Variants in MMRN1 observed in about 807,000 individuals in gnomAD.
The protein encoded by MMRN1 is multimerin 1, also known as multimerin-1.
Under a neutral mutation model 100.7 loss-of-function variants are expected in MMRN1, and 94 were observed. The observed-to-expected ratio is 0.93, with a 90% CI of 0.79 to 1.11. The LOEUF (loss-of-function observed/expected upper bound fraction) is 1.11, where lower values mean the gene tolerates loss of function less well. Ranked by LOEUF, MMRN1 falls within the 50% of genes least tolerant of loss-of-function variation. The pLI, the probability that MMRN1 is intolerant of heterozygous loss-of-function variation, is 0.00. For missense variants in MMRN1, 1,606 were observed against 1,439.1 expected, an observed-to-expected ratio of 1.12 and a Z score of -1.88; for synonymous variants, 575 against 505.0, an observed-to-expected ratio of 1.14 and a Z score of -1.86.
rs139074446 is a variant in MMRN1 at position 89,922,502 on chromosome 4, T to C, written c.851-666T>C. ...AATATTATTTGATTCATGGGAATTATTACTTGCCATTTAAAATATTACTTG... is the reference window on the plus strand; with the variant it reads ...AATATTATTTGATTCATGGGAATTACTACTTGCCATTTAAAATATTACTTG... On this transcript the variant is annotated intron_variant, in intron 3 of 7. Coordinates refer to ENST00000264790, the MANE Select transcript of MMRN1 (RefSeq NM_007351.3). Among the ~76,000 whole-genome samples the C allele has an allele frequency of 2.4e-4, 36 of 152,314 alleles. No individual in the cohort carries two copies. In the East Asian group the frequency reaches 6.2e-3, roughly 26 times the overall value.
At chr4:89,900,166 A>G (rs933473687) in intron 1 of MMRN1, among the ~76,000 whole-genome samples, 2 of 152,120 alleles carry the variant, frequency 1.3e-5, no homozygotes, top group African/African-American at 4.8e-5. Flanking sequence ...AACAACTGCT[A>G]TCTGACCACT....
intron 7 of MMRN1, 53 bp from the exon 8 acceptor site, chr4:89,952,944 A>AT: frequency 6.7e-7 from 1 of 1,487,092 alleles, no homozygotes; most frequent in Non-Finnish European, 9.0e-7. Context: ...ATAAGGAAAG[A>AT]AAAATAAGAT....
chr4:89,952,884 C>A, intron 7 of MMRN1, 113 bp from the exon 8 acceptor site: 3 of 1,036,320 alleles, frequency 2.9e-6, no homozygotes, highest in Non-Finnish European at 4.1e-6. Context: ...GATGGATGGC[C>A]TTTCTCTTCT....
At position 89,936,154 on chromosome 4, in the gene MMRN1, A is replaced by G. The variant is rs770773067; in HGVS notation, c.2474A>G (p.Gln825Arg). 8.0e-5 allele frequency: 129 copies of G among 1,612,462 alleles called. No homozygotes were observed. Among genetic ancestry groups the G allele is most frequent in the Non-Finnish European group, 1.0e-4 (123 of 1,179,576 alleles). ...CAGTCCAACTTCCAAAAGATGTATC[A>G]AATGTTCAATGAAACCACTTCCCAA... ...LNQSNFQKMY[Q>R]MFNETTSQVR... Residue 825 changes from glutamine to arginine, a missense_variant, in exon 6 of 8, where the codon CAA (glutamine) becomes CGA (arginine). Gln to Arg is a conservative substitution (Grantham distance 43, BLOSUM62 1). Transcript: ENST00000264790.
At chr4:89,901,622 A>G (rs934633253) in intron 1 of MMRN1, among the ~76,000 whole-genome samples, 3 of 151,972 alleles carry the variant, frequency 2.0e-5, no homozygotes, top group Non-Finnish European at 4.4e-5. Context: ...CTAAAGAGAA[A>G]CCATTATACT....
At chr4:89,893,337 T>G (rs2110576697), upstream of MMRN1, among the ~76,000 whole-genome samples, 1 of 152,120 alleles carries the variant, frequency 6.6e-6, no homozygotes, top group East Asian at 1.9e-4. Context: ...ACAATACACT[T>G]ACGGAAATAA....
At chr4:89,943,164 G>A (rs757691066) in intron 6 of MMRN1, among the ~76,000 whole-genome samples, 7 of 152,128 alleles carry the variant, frequency 4.6e-5, no homozygotes, top group Non-Finnish European at 7.4e-5. Context: ...TGATGTGGAC[G>A]TTAGCATATG....
In MMRN1 at chr4:89,895,419, A is replaced by C; in HGVS notation, c.448A>C (p.Asn150His). 6.2e-7 allele frequency: 1 copy of C among 1,613,888 alleles called. No individual in the cohort carries two copies. Among genetic ancestry groups the C allele is most frequent in the Non-Finnish European group, 8.5e-7 (1 of 1,179,926 alleles). ...TCTTCAGAGCTTTGCCAGAAAGTCAAATGAACAAGCAACTTCTCTAAACAC... is the reference window on the plus strand; with the variant it reads ...TCTTCAGAGCTTTGCCAGAAAGTCACATGAACAAGCAACTTCTCTAAACAC... ...KFLQSFARKS[N>H]EQATSLNTVG... The change falls in exon 1 of 8, where the codon AAT (asparagine) becomes CAT (histidine). Residue 150 changes from asparagine (N) to histidine (H), a missense_variant. Coordinates refer to ENST00000264790, the MANE Select transcript of MMRN1 (RefSeq NM_007351.3).
At chr4:89,945,969 A>C (rs952613446) in intron 6 of MMRN1, among the ~76,000 whole-genome samples, 1 of 152,206 alleles carries the variant, frequency 6.6e-6, no homozygotes, top group Non-Finnish European at 1.5e-5. Flanking sequence ...CAAAGAACAC[A>C]ATGTTAGTAA....
chr4:89,916,795 C>T (rs1721934934), intron 3 of MMRN1, among the ~76,000 whole-genome samples: 1 of 151,592 alleles, frequency 6.6e-6, no homozygotes, highest in Non-Finnish European at 1.5e-5. Flanking sequence ...TTATCTCCCG[C>T]ATATCACTGT....
Position 89,953,279 on chromosome 4 carries a change from G to A in MMRN1, c.3548G>A (p.Cys1183Tyr). The A allele has an allele frequency of 6.2e-7, 1 of 1,613,926 alleles. No individual in the cohort carries two copies. ...ESENINSEIH[C>Y]DRVLTGDALL... is the part of the protein sequence containing the mutation. The stretch of plus-strand genomic sequence containing the variant: ...GAAAATATTAACAGTGAAATACACT[G>A]TGATAGGGTTTTAACTGGGGATGCC... Residue 1183 changes from cysteine (C) to tyrosine (Y), a missense_variant, in exon 8 of 8, where the codon TGT becomes TAT. By Grantham distance (194) the Cys-to-Tyr change is radical. Transcript: ENST00000264790.
intron 6 of MMRN1, among the ~76,000 whole-genome samples, chr4:89,938,559 A>G (rs1722728326): frequency 6.7e-6 from 1 of 148,260 alleles, no homozygotes; most frequent in Non-Finnish European, 1.5e-5. Flanking sequence ...AAATTGAAAT[A>G]GCCTCAAATA....
At chr4:89,910,380 T>G (rs1306201903) in intron 2 of MMRN1, among the ~76,000 whole-genome samples, 2 of 151,494 alleles carry the variant, frequency 1.3e-5, no homozygotes, top group Non-Finnish European at 3.0e-5. Context: ...GGATTCAAGG[T>G]GAGCTCTTTT....
At chr4:89,910,780 T>G (rs552256251) in intron 2 of MMRN1, among the ~76,000 whole-genome samples, 1 of 151,542 alleles carries the variant, frequency 6.6e-6, no homozygotes, top group East Asian at 1.9e-4. Flanking sequence ...TAGCTCATTT[T>G]GCAACTGACA....
In MMRN1 at chr4:89,915,079, T is replaced by C. The variant is rs1347552492; in HGVS notation, c.850+3029T>C. Among the ~76,000 whole-genome samples the C allele has an allele frequency of 4.6e-5, 7 of 151,526 alleles. No individual in the cohort carries two copies. In the South Asian group the frequency reaches 6.2e-4, roughly 13 times the overall value. On this transcript the variant is annotated intron_variant, in intron 3 of 7. Transcript: ENST00000264790. Reference sequence around the variant, plus strand: ...GCCCCTACCATATGTTATGAATATATAAAAAATATTTGGTTTTACAAATGC... The same window carrying C: ...GCCCCTACCATATGTTATGAATATACAAAAAATATTTGGTTTTACAAATGC...
intron 1 of MMRN1, among the ~76,000 whole-genome samples, chr4:89,880,053 A>G (rs1210937296): frequency 1.3e-5 from 2 of 152,148 alleles, no homozygotes; most frequent in African/African-American, 2.4e-5. Flanking sequence ...TGCACTTACA[A>G]ATATAGCTGC....
At chr4:89,887,711 T>C (rs997785476) in intron 1 of MMRN1, among the ~76,000 whole-genome samples, 1 of 152,054 alleles carries the variant, frequency 6.6e-6, no homozygotes, top group Admixed American at 6.6e-5. Context: ...TATTCTAGTA[T>C]ATTTTCAAAT....
chr4:89,947,260 C>T (rs535921747), intron 6 of MMRN1, among the ~76,000 whole-genome samples: 30 of 152,076 alleles, frequency 2.0e-4, no homozygotes, highest in East Asian at 3.9e-4. Flanking sequence ...CCAGCCTGGA[C>T]GACAGAGCGA....
At chr4:89,938,756 C>A (rs930221389) in intron 6 of MMRN1, among the ~76,000 whole-genome samples, 1 of 151,784 alleles carries the variant, frequency 6.6e-6, no homozygotes, top group African/African-American at 2.4e-5. Context: ...GCTTTGATAA[C>A]ATTGCTTCCT....
Sources: allele counts gnomAD v4.1 joint callset (sites outside exome capture counted in the v4.1 genomes callset), GRCh38; gene constraint gnomAD v4.1.1; transcripts MANE v1.5; gene names NCBI Gene and HGNC (gene_info 2026-07-23, HGNC 2026-07-21).